MAL: variants seen among roughly 807,000 people sequenced by gnomAD.
The protein encoded by MAL is mal, T cell differentiation protein (MAL blood group).
A neutral mutation model predicts 16.7 loss-of-function variants in MAL; 5 were observed. The ratio of observed to expected loss-of-function variants is 0.30; its 90% CI spans 0.16 to 0.63. The LOEUF is 0.63. MAL is among the 30% of genes least tolerant of loss of function. The pLI, the probability that MAL is intolerant of heterozygous loss-of-function variation, is 0.82. For synonymous variants in MAL, 96 were observed against 85.5 expected (o/e 1.12, Z -0.67); for missense variants, 202 against 195.8 (o/e 1.03, Z -0.19).
At chr2:95,044,658 C>A (rs778395154) in intron 1 of MAL, 3 of 152,214 alleles carry the variant, frequency 2.0e-5, no homozygotes, top group Admixed American at 6.5e-5. Context: ...ACTGCAGGAA[C>A]CTGCGAGCCA....
At chr2:95,041,045 C>T (rs374921573) in intron 1 of MAL, among the ~76,000 whole-genome samples, 4 of 152,234 alleles carry the variant, frequency 2.6e-5, no homozygotes, top group African/African-American at 4.8e-5. Context: ...GAAGAATTTC[C>T]GTTTGTGGAG....
At chr2:95,034,215 A>G (rs1277607819) in intron 1 of MAL, among the ~76,000 whole-genome samples, 1 of 152,148 alleles carries the variant, frequency 6.6e-6, no homozygotes. Context: ...CTGCACAGAC[A>G]CCACCTTCCT....
At chr2:95,035,677 T>TC (rs1207209134) in intron 1 of MAL, among the ~76,000 whole-genome samples, 2 of 150,780 alleles carry the variant, frequency 1.3e-5, no homozygotes, top group Non-Finnish European at 3.0e-5. Flanking sequence ...ATTTTTTTTT[T>TC]TTTTTTTTTT....
At chr2:95,040,126 C>A (rs745647836) in intron 1 of MAL, among the ~76,000 whole-genome samples, 3 of 152,040 alleles carry the variant, frequency 2.0e-5, no homozygotes, top group Non-Finnish European at 4.4e-5. Flanking sequence ...CCTACCTACA[C>A]ACACACACAC....
chr2:95,050,871 T>G (rs1218470789), intron 3 of MAL, among the ~76,000 whole-genome samples: 1 of 152,246 alleles, frequency 6.6e-6, no homozygotes, highest in Non-Finnish European at 1.5e-5. Flanking sequence ...GCATCTTGAC[T>G]GATCTTCCTT....
intron 1 of MAL, among the ~76,000 whole-genome samples, chr2:95,040,091 G>A (rs1674406724): frequency 6.6e-6 from 1 of 152,044 alleles, no homozygotes; most frequent in African/African-American, 2.4e-5. Flanking sequence ...TTGCTCTACA[G>A]TAGCTCATCC....
chr2:95,049,584 G>T lies in MAL; in HGVS notation c.265G>T (p.Ala89Ser). Residue 89 changes from alanine (A) to serine (S), a missense_variant, in exon 3 of 4, where the codon GCA (alanine) becomes TCA (serine). Transcript: ENST00000309988. Reference protein sequence around the residue: ...GGETSWVTLDAAYHCTAALFY... With the variant: ...GGETSWVTLDSAYHCTAALFY... ...TGACACCCCGTCTGCCCCATAGGAC[G>T]CAGCCTACCACTGCACCGCTGCCCT... is the stretch of plus-strand genomic sequence containing the variant. The T allele has an allele frequency of 6.2e-7, 1 of 1,614,060 alleles. No homozygotes were observed. Among genetic ancestry groups the T allele is most frequent in the Non-Finnish European group, 8.5e-7 (1 of 1,179,970 alleles).
At position 95,028,152 on chromosome 2, in the gene MAL, C is replaced by CAAAAAAAAAAA. The variant is rs898443996; in HGVS notation, c.93+2281_93+2291dup. Among the ~76,000 whole-genome samples, 7 of 39,664 alleles carry CAAAAAAAAAAA rather than the reference C, an allele frequency of 1.8e-4. 1 individual carries two copies. The highest frequency in any genetic ancestry group is 7.6e-4 in the East Asian group (1 of 1,314). 26.0% of individuals were successfully genotyped at this position (39,664 alleles called of 152,430 possible). A position where few individuals can be genotyped will look rare whatever the true frequency, so the allele number is the denominator to read the frequency against. On this transcript the variant is annotated intron_variant, in intron 1 of 3. Coordinates refer to ENST00000309988, the MANE Select transcript of MAL (RefSeq NM_002371.4). ...TGAAACCCCATCTCTACTAAAAATACAAAAAAAAAAAAAAAAAAAAAAAAC... is the reference window on the plus strand; with the variant it reads ...TGAAACCCCATCTCTACTAAAAATACAAAAAAAAAAAAAAAAAAAAAAAAAAAAAAAAAAAC...
At position 95,045,371 on chromosome 2, in the gene MAL, T is replaced by C. The variant is rs561732434; in HGVS notation, c.94-2588T>C. Reference sequence around the variant, plus strand: ...GGTTTGGTTCATAAGTGGCTCTAGTTCAGCCACACCCAGGTACCAGGAGAC... The same window carrying C: ...GGTTTGGTTCATAAGTGGCTCTAGTCCAGCCACACCCAGGTACCAGGAGAC... On this transcript the variant is annotated intron_variant, in intron 1 of 3. Coordinates refer to ENST00000309988, the MANE Select transcript of MAL (RefSeq NM_002371.4). 3.3e-5 allele frequency among the ~76,000 whole-genome samples: 5 copies of C among 152,258 alleles called. No homozygotes were observed. The South Asian group carries it at 1.0e-3, about 32-fold the overall frequency.
At chr2:95,049,330 C>T (rs921056512) in intron 2 of MAL, among the ~76,000 whole-genome samples, 18 of 152,338 alleles carry the variant, frequency 1.2e-4, no homozygotes, top group African/African-American at 4.1e-4. Flanking sequence ...CCTTCCTCCA[C>T]CTCTCCCTTG....
intron 1 of MAL, among the ~76,000 whole-genome samples, chr2:95,038,733 T>C (rs1473222189): frequency 6.6e-6 from 1 of 151,594 alleles, no homozygotes; most frequent in Non-Finnish European, 1.5e-5. Flanking sequence ...AGTAAGAGAC[T>C]GAGTGAGTAA....
intron 1 of MAL, 119 bp from the exon 2 acceptor site, chr2:95,047,839 CT>C: frequency 1.0e-6 from 1 of 957,704 alleles, no homozygotes; most frequent in East Asian, 2.6e-5. Context: ...CTGCCCTGTT[CT>C]CTTTGCCTGC....
At chr2:95,028,908 T>A (rs1226112888) in intron 1 of MAL, among the ~76,000 whole-genome samples, 1 of 152,072 alleles carries the variant, frequency 6.6e-6, no homozygotes, top group African/African-American at 2.4e-5. Flanking sequence ...AGGGGAGCAA[T>A]TGTTTAATCG....
Position 95,025,709 on chromosome 2 carries a change from C to T in MAL, c.-84C>T, listed in dbSNP as rs1673915046. The T allele has an allele frequency of 4.2e-6, 4 of 949,910 alleles. No individual in the cohort carries two copies. The East Asian group carries it at 1.3e-4, about 31-fold the overall frequency. 58.8% of individuals were successfully genotyped at this position (949,910 alleles called of 1,614,324 possible). ...CCCGCGCGCGGGGGCGCCCAGGCCACTGGGCTCCGCGGAGCCAGCGAGAGG... is the reference window on the plus strand; with the variant it reads ...CCCGCGCGCGGGGGCGCCCAGGCCATTGGGCTCCGCGGAGCCAGCGAGAGG... On this transcript the variant is annotated 5_prime_UTR_variant, in exon 1 of 4. Transcript: ENST00000309988. This position sits in a 1 kb window ranked among gnomAD's most constrained non-coding sequence, Gnocchi z 5.6.
chr2:95,033,155 C>CG (rs1477550888), intron 1 of MAL, among the ~76,000 whole-genome samples: 5 of 152,020 alleles, frequency 3.3e-5, no homozygotes, highest in South Asian at 2.1e-4. Context: ...GGGAGGCCCA[C>CG]GGGGGGCCCG....
intron 1 of MAL, 76 bp from the exon 2 acceptor site, chr2:95,047,883 T>A: frequency 6.9e-7 from 1 of 1,458,484 alleles, no homozygotes; most frequent in Non-Finnish European, 9.3e-7. Flanking sequence ...TCACCCCATG[T>A]GACCGCTGGT....
intron 1 of MAL, 57 bp from the exon 2 acceptor site, chr2:95,047,902 C>T (rs1674626550): frequency 6.4e-7 from 1 of 1,558,854 alleles, no homozygotes; most frequent in Non-Finnish European, 8.7e-7. Flanking sequence ...GTCGGGGGCC[C>T]TTCCTGGGCT....
chr2:95,033,245 G>C (rs1027819218), intron 1 of MAL, among the ~76,000 whole-genome samples: 1 of 152,228 alleles, frequency 6.6e-6, no homozygotes, highest in East Asian at 1.9e-4. Flanking sequence ...AGTGGGGCGG[G>C]TGGGGTCTGC....
intron 1 of MAL, among the ~76,000 whole-genome samples, chr2:95,045,124 G>A (rs1674556942): frequency 6.6e-6 from 1 of 152,204 alleles, no homozygotes; most frequent in African/African-American, 2.4e-5. Context: ...CACGCTATTA[G>A]AGAACTCCAG....
Sources: allele counts gnomAD v4.1 joint callset (sites outside exome capture counted in the v4.1 genomes callset), GRCh38; gene constraint gnomAD v4.1.1; non-coding constraint Gnocchi (gnomAD v3.1); transcripts MANE v1.5; gene names NCBI Gene and HGNC (gene_info 2026-07-23, HGNC 2026-07-21).